The following KIF3C variants were observed in gnomAD, a reference collection of about 807,000 sequenced individuals.
The protein encoded by KIF3C is kinesin family member 3C.
In KIF3C, 12 loss-of-function variants were observed where a neutral mutation model predicts 67.7. The observed-to-expected ratio is 0.18, with a 90% CI of 0.11 to 0.29. The LOEUF is 0.29. Ranked by LOEUF, KIF3C falls within the 10% of genes least tolerant of loss-of-function variation. KIF3C has a pLI of 1.00. For synonymous variants in KIF3C, 393 were observed against 426.2 expected (o/e 0.92, Z 0.96); for missense variants, 789 against 1,059.6 (o/e 0.74, Z 3.55).
chr2:25,970,916 G>A (rs1433088970), intron 1 of KIF3C, among the ~76,000 whole-genome samples: 2 of 144,014 alleles, frequency 1.4e-5, no homozygotes, highest in Non-Finnish European at 3.0e-5. Flanking sequence ...ATGAGGTCAG[G>A]AGATCGAGAC....
chr2:25,935,471 G>C (rs1663071977), intron 5 of KIF3C, among the ~76,000 whole-genome samples: 2 of 151,820 alleles, frequency 1.3e-5, no homozygotes, highest in Non-Finnish European at 2.9e-5. Context: ...GGCTCAAATA[G>C]TCTTCCTGCC....
chr2:25,942,206 A>G (rs929157649), intron 5 of KIF3C, among the ~76,000 whole-genome samples: 3 of 150,296 alleles, frequency 2.0e-5, no homozygotes, highest in Non-Finnish European at 4.4e-5. Flanking sequence ...AAAAATACAA[A>G]AATTAGCTGG....
intron 1 of KIF3C, among the ~76,000 whole-genome samples, chr2:25,967,143 C>T (rs1274159610): frequency 6.6e-6 from 1 of 152,186 alleles, no homozygotes; most frequent in Non-Finnish European, 1.5e-5. Flanking sequence ...AGCCTCCTTG[C>T]TTTCTCTTTT....
rs1344715660 is a variant in KIF3C, at chr2:25,982,085, C to A, written c.-168G>T. The A allele has an allele frequency of 3.5e-6, 2 of 567,716 alleles. No homozygotes were observed. Among genetic ancestry groups the A allele is most frequent in the African/African-American group, 1.9e-5 (1 of 52,922 alleles). The allele number at this position is 567,716 out of a possible 1,614,324, so 35.2% of individuals were successfully genotyped here. On this transcript the variant is annotated 5_prime_UTR_variant, in exon 1 of 8. Coordinates refer to ENST00000264712, the MANE Select transcript of KIF3C (RefSeq NM_002254.8). ...ACGCTGGGAGGTGGCCCCAACGCTGCTGCAGTCCGGGCCTCCACCGCTCTC... is the reference window on the plus strand; with the variant it reads ...ACGCTGGGAGGTGGCCCCAACGCTGATGCAGTCCGGGCCTCCACCGCTCTC...
At position 25,982,119 on chromosome 2, in the gene KIF3C, T is replaced by C. The variant is rs939965527; in HGVS notation, c.-202A>G. 1.2e-5 allele frequency: 6 copies of C among 503,620 alleles called. No individual in the cohort carries two copies. Among genetic ancestry groups the C allele is most frequent in the African/African-American group, 3.9e-5 (2 of 51,288 alleles). 31.2% of individuals were successfully genotyped at this position (503,620 alleles called of 1,614,324 possible). ...GGGCCTCCACCGCTCTCCGGTCCTC[T>C]CTGCACCGGCTGGGAGGTGAATTAG... On this transcript the variant is annotated 5_prime_UTR_variant, in exon 1 of 8. Coordinates refer to ENST00000264712, the MANE Select transcript of KIF3C (RefSeq NM_002254.8).
intron 5 of KIF3C, among the ~76,000 whole-genome samples, chr2:25,945,957 A>G (rs1663421518): frequency 6.6e-6 from 1 of 151,666 alleles, no homozygotes; most frequent in South Asian, 2.1e-4. Flanking sequence ...CCAAAAATAC[A>G]AACAAATTAG....
chr2:25,951,768 A>C, intron 5 of KIF3C, 21 bp downstream of exon 5: 2 of 1,543,946 alleles, frequency 1.3e-6, no homozygotes, highest in Non-Finnish European at 1.8e-6. Flanking sequence ...CCCAGCCCAG[A>C]CAGCTGGGTT....
rs755977411 is a variant in KIF3C, at chr2:25,955,511, A to G, written c.1770+30T>C. 49 of 1,612,010 alleles carry G rather than the reference A, an allele frequency of 3.0e-5. No individual in the cohort carries two copies. In the African/African-American group the frequency reaches 5.7e-4, roughly 19 times the overall value. ...GCAGAGACTGCTGGGCCTCCAGCAC[A>G]CCTTAACCGGTCCTGCTGCAGCGTC... is the stretch of plus-strand genomic sequence containing the variant. On this transcript the variant is annotated intron_variant, in intron 3 of 7. Coordinates refer to ENST00000264712, the MANE Select transcript of KIF3C (RefSeq NM_002254.8). This position sits in a 1 kb window ranked among gnomAD's most constrained non-coding sequence, Gnocchi z 5.0.
intron 1 of KIF3C, among the ~76,000 whole-genome samples, chr2:25,957,124 T>C (rs35064877): frequency 0.25 from 37,722 of 152,088 alleles, 5,253 homozygotes; most frequent in African/African-American, 0.37. Context: ...CAAACATTTG[T>C]GGAGCGCTAA....
intron 1 of KIF3C, among the ~76,000 whole-genome samples, chr2:25,976,889 C>T (rs1664431572): frequency 6.6e-6 from 1 of 152,196 alleles, no homozygotes; most frequent in Non-Finnish European, 1.5e-5. Flanking sequence ...AGTATGTATA[C>T]TGCGCACAAA....
At chr2:25,935,015 G>C (rs1253867475) in intron 5 of KIF3C, among the ~76,000 whole-genome samples, 1 of 152,044 alleles carries the variant, frequency 6.6e-6, no homozygotes, top group Non-Finnish European at 1.5e-5. Context: ...AGGCCGAGGT[G>C]GGTGGATCAC....
intron 5 of KIF3C, among the ~76,000 whole-genome samples, chr2:25,948,620 A>G (rs999673057): frequency 6.8e-6 from 1 of 147,224 alleles, no homozygotes; most frequent in Admixed American, 6.8e-5. Context: ...GAGAAAGAGA[A>G]AGAGAGAAAG....
At chr2:25,935,753 T>C (rs1443274963) in intron 5 of KIF3C, among the ~76,000 whole-genome samples, 1 of 152,298 alleles carries the variant, frequency 6.6e-6, no homozygotes, top group Non-Finnish European at 1.5e-5. Flanking sequence ...TATTCAGTCC[T>C]ATGAAGGAAC....
chr2:25,928,632 T>TA lies in KIF3C; in HGVS notation c.*345dup, dbSNP rs2090430868. On this transcript the variant is annotated 3_prime_UTR_variant, in exon 8 of 8. Transcript: ENST00000264712. ...AGGGACTGTCTTCTCAGGCACTGGC[T>TA]ACCTTCCCTTCTGGAGGCAGCTGAC... The TA allele has an allele frequency of 5.1e-6, 1 of 194,830 alleles. No individual in the cohort carries two copies. Among genetic ancestry groups the TA allele is most frequent in the African/African-American group, 2.3e-5 (1 of 42,756 alleles). 12.1% of individuals were successfully genotyped at this position (194,830 alleles called of 1,614,324 possible).
At chr2:25,942,432 T>C (rs929085540) in intron 5 of KIF3C, among the ~76,000 whole-genome samples, 24 of 151,832 alleles carry the variant, frequency 1.6e-4, no homozygotes, top group Admixed American at 1.2e-3. Flanking sequence ...TTTTTTGAGA[T>C]GGAGTTTCAC....
At chr2:25,972,741 A>G (rs1664313213) in intron 1 of KIF3C, among the ~76,000 whole-genome samples, 1 of 152,154 alleles carries the variant, frequency 6.6e-6, no homozygotes, top group Non-Finnish European at 1.5e-5. Flanking sequence ...GGAATGATAC[A>G]CAGTATTTCA....
At chr2:25,947,106 G>T (rs569460615) in intron 5 of KIF3C, among the ~76,000 whole-genome samples, 3 of 152,252 alleles carry the variant, frequency 2.0e-5, no homozygotes, top group African/African-American at 7.2e-5. Context: ...AATGAGCCGA[G>T]ATTGTGCCAT....
Position 25,936,325 on chromosome 2 carries a change from G to A in KIF3C, c.2007-6262C>T, listed in dbSNP as rs910118673. 4.6e-5 allele frequency among the ~76,000 whole-genome samples: 7 copies of A among 152,266 alleles called. No individual in the cohort carries two copies. The East Asian group carries it at 9.7e-4, about 21-fold the overall frequency. ...CCAAGTGTTGGGATTACAGGCATAA[G>A]CCAGCATACCTGGCCAGTTTTAAGG... On this transcript the variant is annotated intron_variant, in intron 5 of 7. Transcript: ENST00000264712.
intron 1 of KIF3C, among the ~76,000 whole-genome samples, chr2:25,970,965 GAAAAAAAAA>G (rs970182694): frequency 2.0e-5 from 1 of 49,326 alleles, no homozygotes; most frequent in Non-Finnish European, 3.7e-5. Context: ...CTCTATGAAG[GAAAAAAAAA>G]AAAAAAAAAA....
Sources: allele counts gnomAD v4.1 joint callset (sites outside exome capture counted in the v4.1 genomes callset), GRCh38; gene constraint gnomAD v4.1.1; non-coding constraint Gnocchi (gnomAD v3.1); transcripts MANE v1.5; gene names NCBI Gene and HGNC (gene_info 2026-07-23, HGNC 2026-07-21).